Variants in ARHGEF10L observed in about 807,000 individuals in gnomAD.
The protein encoded by ARHGEF10L is Rho guanine nucleotide exchange factor 10 like.
In ARHGEF10L, 69 loss-of-function variants were observed where a neutral mutation model predicts 141.2. The observed-to-expected ratio is 0.49, with a 90% CI of 0.40 to 0.60. The LOEUF (loss-of-function observed/expected upper bound fraction) is 0.60, where lower values mean the gene tolerates loss of function less well. ARHGEF10L is among the 20% of genes least tolerant of loss of function. The pLI, the probability that ARHGEF10L is intolerant of heterozygous loss-of-function variation, is 0.00. For synonymous variants in ARHGEF10L, 711 were observed against 718.5 expected (o/e 0.99, Z 0.17); for missense variants, 1,482 against 1,734.3 (o/e 0.85, Z 2.58).
chr1:17,588,672 T>C (rs2079238963), intron 4 of ARHGEF10L, among the ~76,000 whole-genome samples, 193 bp downstream of exon 4: 1 of 151,936 alleles, frequency 6.6e-6, no homozygotes, highest in African/African-American at 2.4e-5. Context: ...TCCTTTATTT[T>C]GCCCACAAAC....
chr1:17,621,747 G>A lies in ARHGEF10L; in HGVS notation c.943-117G>A. On this transcript the variant is annotated intron_variant, in intron 10 of 28. Coordinates refer to ENST00000361221, the MANE Select transcript of ARHGEF10L (RefSeq NM_018125.4). The surrounding 1 kb of genome is among the most constrained non-coding windows in gnomAD (Gnocchi z 4.1). ...GTGGCCACCAGGCCCAGTGGTCCCA[G>A]GTGGGACCTGGGAGGGATGGGTTTC... 2.2e-6 allele frequency: 2 copies of A among 909,990 alleles called. No homozygotes were observed. The highest frequency in any genetic ancestry group is 3.6e-5 in the Admixed American group (2 of 55,886). The allele number at this position is 909,990 out of a possible 1,614,324, so 56.4% of individuals were successfully genotyped here.
intron 26 of ARHGEF10L, among the ~76,000 whole-genome samples, chr1:17,672,295 G>C (rs1294301877): frequency 6.6e-6 from 1 of 151,824 alleles, no homozygotes; most frequent in African/African-American, 2.4e-5. Flanking sequence ...GTGTGATGCG[G>C]CATGAATAAT....
intron 1 of ARHGEF10L, among the ~76,000 whole-genome samples, chr1:17,544,447 A>C (rs147443380): frequency 0.018 from 2,723 of 150,860 alleles, 40 homozygotes; most frequent in Middle Eastern, 0.055. Context: ...GGCGTGCACC[A>C]CTACTCCCGG....
chr1:17,588,306 G>T, intron 3 of ARHGEF10L, 140 bp from the exon 4 acceptor site: 1 of 825,722 alleles, frequency 1.2e-6, no homozygotes, highest in Non-Finnish European at 2.0e-6. Context: ...GGGGGAGGGA[G>T]GCGGGGCTCA....
intron 4 of ARHGEF10L, among the ~76,000 whole-genome samples, chr1:17,592,336 C>T (rs2079617961): frequency 6.6e-6 from 1 of 152,188 alleles, no homozygotes; most frequent in South Asian, 2.1e-4. Flanking sequence ...GGCTCCTGGC[C>T]CTGGTCGCAG....
chr1:17,611,971 C>A (rs914394068), intron 7 of ARHGEF10L, among the ~76,000 whole-genome samples: 1 of 148,956 alleles, frequency 6.7e-6, no homozygotes, highest in Non-Finnish European at 1.5e-5. Flanking sequence ...GTTCTCCCAT[C>A]GGTTTGTCCA....
chr1:17,625,851 T>A lies in ARHGEF10L; in HGVS notation c.1318-105T>A. ...GCAAGCCCAGGGATAGGCAGGGTCT[T>A]AGGGCCTGGGGAGAGGAGCCCAGAA... On this transcript the variant is annotated intron_variant, in intron 13 of 28. Transcript: ENST00000361221. The surrounding 1 kb of genome is among the most constrained non-coding windows in gnomAD (Gnocchi z 4.5). 2.1e-6 allele frequency: 2 copies of A among 959,630 alleles called. No individual in the cohort carries two copies. Among genetic ancestry groups the A allele is most frequent in the Non-Finnish European group, 3.2e-6 (2 of 615,942 alleles). The allele number at this position is 959,630 out of a possible 1,614,324, so 59.4% of individuals were successfully genotyped here.
In ARHGEF10L at chr1:17,678,830, C is replaced by T. The variant is rs55676323; in HGVS notation, c.3010-8743C>T. ...GCCTTGGTCTGGGTTTTTGGGTTGA[C>T]ACCAACATCTGTGTCCACCTTCTTG... On this transcript the variant is annotated intron_variant, in intron 26 of 28. Coordinates refer to ENST00000361221, the MANE Select transcript of ARHGEF10L (RefSeq NM_018125.4). Among the ~76,000 whole-genome samples, 636 of 152,330 alleles carry T rather than the reference C, an allele frequency of 4.2e-3. 2 individuals carry two copies. Among genetic ancestry groups the T allele is most frequent in the Non-Finnish European group, 7.5e-3 (507 of 68,028 alleles).
intron 22 of ARHGEF10L, 80 bp downstream of exon 22, chr1:17,648,755 G>A (rs1410621910): frequency 1.3e-6 from 2 of 1,556,544 alleles, no homozygotes; most frequent in African/African-American, 1.4e-5. Flanking sequence ...GAGTTTCCAG[G>A]GAGCGCCCAC....
intron 4 of ARHGEF10L, among the ~76,000 whole-genome samples, chr1:17,598,303 T>A (rs1167060020): frequency 1.3e-5 from 2 of 152,154 alleles, no homozygotes; most frequent in Non-Finnish European, 2.9e-5. Context: ...AGTTTCACCA[T>A]ATTGGCCAGG....
At chr1:17,693,114 T>C (rs1020642415) in intron 27 of ARHGEF10L, among the ~76,000 whole-genome samples, 1 of 152,226 alleles carries the variant, frequency 6.6e-6, no homozygotes, top group African/African-American at 2.4e-5. Context: ...ATCTCCTCTC[T>C]ACACCTCTGT....
chr1:17,554,707 A>G (rs1435479964), intron 1 of ARHGEF10L, among the ~76,000 whole-genome samples: 1 of 149,840 alleles, frequency 6.7e-6, no homozygotes. Context: ...AACCCACCTC[A>G]GCGTACCGAG....
intron 26 of ARHGEF10L, among the ~76,000 whole-genome samples, chr1:17,675,680 C>T (rs1321341178): frequency 5.0e-5 from 4 of 79,302 alleles, no homozygotes; most frequent in African/African-American, 1.6e-4. Flanking sequence ...TGTGGGTGCA[C>T]ATGTGGTACA....
chr1:17,630,089 G>A (rs911205144), intron 15 of ARHGEF10L, among the ~76,000 whole-genome samples: 1 of 152,230 alleles, frequency 6.6e-6, no homozygotes, highest in African/African-American at 2.4e-5. Flanking sequence ...TAGGAAGAGT[G>A]TGGTGGAGGC....
At chr1:17,571,680 C>A (rs2078007232) in intron 1 of ARHGEF10L, among the ~76,000 whole-genome samples, 1 of 152,060 alleles carries the variant, frequency 6.6e-6, no homozygotes, top group Non-Finnish European at 1.5e-5. Context: ...ATTACAGGTG[C>A]CCGTCACCAC....
chr1:17,557,342 C>CAAA (rs1003759039), intron 1 of ARHGEF10L, among the ~76,000 whole-genome samples: 1 of 90,968 alleles, frequency 1.1e-5, no homozygotes, highest in Non-Finnish European at 2.4e-5. Context: ...GACTCCATCT[C>CAAA]AAAAAAAAAA....
At chr1:17,541,544 G>A (rs1043760496) in intron 1 of ARHGEF10L, among the ~76,000 whole-genome samples, 3 of 152,210 alleles carry the variant, frequency 2.0e-5, no homozygotes, top group African/African-American at 7.2e-5. Context: ...GTTAGTATAA[G>A]AGGAGGTTGG....
chr1:17,606,334 C>G (rs1263309272), intron 6 of ARHGEF10L, among the ~76,000 whole-genome samples: 1 of 151,640 alleles, frequency 6.6e-6, no homozygotes, highest in Non-Finnish European at 1.5e-5. Flanking sequence ...CTCTCTGTCA[C>G]CCAGGCTGGA....
intron 4 of ARHGEF10L, among the ~76,000 whole-genome samples, chr1:17,596,368 G>A (rs970156120): frequency 6.6e-6 from 1 of 152,220 alleles, no homozygotes; most frequent in Admixed American, 6.5e-5. Flanking sequence ...TCCGAGGCGG[G>A]CGGTGACACT....
Sources: gnomAD v4.1 joint callset for allele counts (sites outside exome capture counted in the v4.1 genomes callset) on GRCh38, gnomAD v4.1.1 for gene constraint, Gnocchi (gnomAD v3.1) non-coding constraint, MANE v1.5 for transcripts, NCBI Gene and HGNC (gene_info 2026-07-23, HGNC 2026-07-21) for gene names.